Variants in ANK3 observed in about 807,000 individuals in gnomAD.
The protein encoded by ANK3 is ankyrin 3, also known as ankyrin-3.
A neutral mutation model predicts 370.9 loss-of-function variants in ANK3; 57 were observed. The ratio of observed to expected loss-of-function variants is 0.15; its 90% CI spans 0.12 to 0.19. The LOEUF (loss-of-function observed/expected upper bound fraction) is 0.19. Among genes scored for constraint, ANK3 ranks in the 10% least tolerant of loss-of-function variants. The pLI is 1.00. For synonymous variants in ANK3, 1,929 were observed against 1,946.3 expected, an observed-to-expected ratio of 0.99 and a Z score of 0.23; for missense variants, 4,439 against 5,302.1, an observed-to-expected ratio of 0.84 and a Z score of 5.06.
At chr10:60,428,858 G>C (rs1016208885) in intron 2 of ANK3, among the ~76,000 whole-genome samples, 7 of 152,170 alleles carry the variant, frequency 4.6e-5, no homozygotes, top group Non-Finnish European at 1.0e-4. Flanking sequence ...AGATTTGGTA[G>C]GAGAAAGACA....
At chr10:60,213,331 T>C in intron 9 of ANK3, 81 bp downstream of exon 9, 1 of 936,326 alleles carries the variant, frequency 1.1e-6, no homozygotes, top group Non-Finnish European at 1.7e-6. Context: ...AAATGTCATT[T>C]TCTATGTGAT....
chr10:60,336,859 T>C (rs2053080380), intron 1 of ANK3, among the ~76,000 whole-genome samples: 1 of 152,148 alleles, frequency 6.6e-6, no homozygotes, highest in South Asian at 2.1e-4. Context: ...AGAGAAGGAC[T>C]CGTCCCTCGG....
chr10:60,064,150 G>T lies in ANK3; in HGVS notation c.12451+7C>A, dbSNP rs752067871. 6.5e-6 allele frequency: 10 copies of T among 1,540,906 alleles called. No individual in the cohort carries two copies. In the Middle Eastern group the frequency reaches 5.2e-4, roughly 80 times the overall value. On this transcript the variant is annotated splice_region_variant and intron_variant, in intron 39 of 43. Coordinates refer to ENST00000280772, the MANE Select transcript of ANK3 (RefSeq NM_020987.5). ...TTGAAAGTTAAAATAATATAATTTC[G>T]GCATACTTGTGGCATTTTTTCCGTC...
At chr10:60,710,549 A>G (rs1477318581) in intron 1 of ANK3, among the ~76,000 whole-genome samples, 1 of 152,172 alleles carries the variant, frequency 6.6e-6, no homozygotes, top group Admixed American at 6.5e-5. Flanking sequence ...CAATATTTCT[A>G]CACTACATGG....
intron 2 of ANK3, among the ~76,000 whole-genome samples, chr10:60,549,583 A>G (rs550534684): frequency 7.6e-4 from 115 of 152,230 alleles, no homozygotes; most frequent in African/African-American, 2.7e-3. Flanking sequence ...GCACTTAACT[A>G]TATTCCAGAC....
At chr10:60,392,438 A>T (rs779018074), upstream of ANK3, among the ~76,000 whole-genome samples, 1 of 152,236 alleles carries the variant, frequency 6.6e-6, no homozygotes, top group Non-Finnish European at 1.5e-5. Flanking sequence ...GAAGTGGGGC[A>T]GATCCCTGGT....
chr10:60,487,718 G>C (rs1362091238), intron 2 of ANK3, among the ~76,000 whole-genome samples: 2 of 100,568 alleles, frequency 2.0e-5, no homozygotes, highest in Admixed American at 9.2e-5. Context: ...TGATGATGTT[G>C]CATTTTTTTT....
At chr10:60,270,823 A>G (rs1445654989) in intron 4 of ANK3, among the ~76,000 whole-genome samples, 1 of 152,358 alleles carries the variant, frequency 6.6e-6, no homozygotes, top group East Asian at 1.9e-4. Context: ...GCCGATTTGC[A>G]TAATGGTATG....
At chr10:60,192,317 GTA>G (rs139015525) in intron 16 of ANK3, among the ~76,000 whole-genome samples, 40 of 150,114 alleles carry the variant, frequency 2.7e-4, no homozygotes, top group Middle Eastern at 3.5e-3. Flanking sequence ...GTGTATGTGT[GTA>G]TATATATATA....
chr10:60,501,428 G>T (rs904985930), intron 2 of ANK3, among the ~76,000 whole-genome samples: 1 of 152,100 alleles, frequency 6.6e-6, no homozygotes, highest in African/African-American at 2.4e-5. Flanking sequence ...AACTTGGCCG[G>T]GTGCAGCGGC....
chr10:60,529,842 C>T (rs563345148), intron 2 of ANK3, among the ~76,000 whole-genome samples: 185 of 152,252 alleles, frequency 1.2e-3, no homozygotes, highest in Non-Finnish European at 1.2e-3. Flanking sequence ...TAGACATTTT[C>T]AAAGGACTTA....
At chr10:60,051,636 A>T in intron 42 of ANK3, 1 of 618,010 alleles carries the variant, frequency 1.6e-6, no homozygotes, top group African/African-American at 2.0e-5. Flanking sequence ...GAAATCAAGA[A>T]AGAATTACAC....
At chr10:60,537,940 G>A (rs2076760670) in intron 2 of ANK3, among the ~76,000 whole-genome samples, 1 of 151,922 alleles carries the variant, frequency 6.6e-6, no homozygotes, top group South Asian at 2.1e-4. Flanking sequence ...TTCATGATGA[G>A]TCATTCTTAT....
At chr10:60,063,677 A>C (rs941947032) in intron 39 of ANK3, among the ~76,000 whole-genome samples, 3 of 152,240 alleles carry the variant, frequency 2.0e-5, no homozygotes, top group African/African-American at 7.2e-5. Context: ...GGCACTTGCC[A>C]AAATATAGGA....
chr10:60,374,304 C>G (rs891152196), intron 1 of ANK3, among the ~76,000 whole-genome samples: 4 of 152,110 alleles, frequency 2.6e-5, no homozygotes, highest in African/African-American at 7.2e-5. Flanking sequence ...AACTATACTT[C>G]CATGTAGAGT....
chr10:60,108,978 T>A lies in ANK3; in HGVS notation c.3025A>T (p.Ile1009Phe). 3 of 1,614,086 alleles carry A rather than the reference T, an allele frequency of 1.9e-6. No individual in the cohort carries two copies. Among genetic ancestry groups the A allele is most frequent in the Non-Finnish European group, 2.5e-6 (3 of 1,179,986 alleles). Residue 1009 changes from isoleucine (I) to phenylalanine (F), a missense_variant, in exon 27 of 44, where the codon ATT (isoleucine) becomes TTT (phenylalanine). Around this residue, in one of 13 missense-constraint regions of ANK3, gnomAD observed 702 missense variants for 941.5 expected, o/e 0.75. Transcript: ENST00000280772. ...GSRHHGMRII[I>F]PPRKCTAPTR... ...GGGGCCGTACACTTGCGTGGAGGAA[T>A]GATGATTCTCATCCCGTGATGACGG...
At chr10:60,154,328 C>G (rs2095257399) in intron 23 of ANK3, among the ~76,000 whole-genome samples, 1 of 152,160 alleles carries the variant, frequency 6.6e-6, no homozygotes, top group African/African-American at 2.4e-5. Context: ...AATAACATAA[C>G]AGTCCTATTT....
chr10:60,347,702 G>A (rs1006618365), intron 1 of ANK3, among the ~76,000 whole-genome samples: 2 of 152,012 alleles, frequency 1.3e-5, no homozygotes, highest in Non-Finnish European at 2.9e-5. Flanking sequence ...TATATCACTA[G>A]ACCTATTCGT....
At chr10:60,671,969 G>A (rs74155660) in intron 1 of ANK3, among the ~76,000 whole-genome samples, 1,644 of 152,354 alleles carry the variant, frequency 0.011, 26 homozygotes, top group African/African-American at 0.037. Flanking sequence ...CAGCAACTTA[G>A]TGAGAGATCA....
Sources: allele counts gnomAD v4.1 joint callset (sites outside exome capture counted in the v4.1 genomes callset), GRCh38; gene constraint gnomAD v4.1.1; regional missense constraint gnomAD v4.1.1; transcripts MANE v1.5; gene names NCBI Gene and HGNC (gene_info 2026-07-23, HGNC 2026-07-21).